ZP2: variants seen among roughly 807,000 people sequenced by gnomAD.
The protein encoded by ZP2 is zona pellucida glycoprotein 2.
ZP2 carries 51 observed loss-of-function variants against 84.0 expected under a neutral mutation model. The ratio of observed to expected loss-of-function variants is 0.61; its 90% CI spans 0.49 to 0.77. The LOEUF (loss-of-function observed/expected upper bound fraction) is 0.77, where lower values mean the gene tolerates loss of function less well. ZP2 is among the 30% of genes least tolerant of loss of function. ZP2 has a pLI of 0.00. For missense variants in ZP2, 909 were observed against 911.9 expected (o/e 1.00, Z 0.04); for synonymous variants, 375 against 330.9 (o/e 1.13, Z -1.45).
In ZP2 at chr16:21,198,866, G is replaced by C; in HGVS notation, c.1928-4C>G. The stretch of plus-strand genomic sequence containing the variant: ...TCTGCTTCAGTGGCCCCTGTGGCTG[G>C]AGACAGATGATCAAGTTTGTGTTTG... On this transcript the variant is annotated splice_polypyrimidine_tract_variant and splice_region_variant and intron_variant, in intron 16 of 18. Transcript: ENST00000574091. 6.2e-7 allele frequency: 1 copy of C among 1,613,454 alleles called. No individual in the cohort carries two copies. Among genetic ancestry groups the C allele is most frequent in the African/African-American group, 1.3e-5 (1 of 75,052 alleles).
chr16:21,201,826 T>C lies in ZP2; in HGVS notation c.1384A>G (p.Thr462Ala), dbSNP rs1409764298. The C allele has an allele frequency of 6.2e-6, 10 of 1,614,010 alleles. No individual in the cohort carries two copies. The highest frequency in any genetic ancestry group is 7.6e-6 in the Non-Finnish European group (9 of 1,180,002). The change falls in exon 13 of 19, where the codon ACA becomes GCA. Residue 462 changes from threonine (T) to alanine (A), a missense_variant. Thr to Ala is a moderately conservative substitution (Grantham distance 58). Transcript: ENST00000574091. ...KISRDSEFRMTVKCSYSRNDM... is the reference protein window; with the variant it reads ...KISRDSEFRMAVKCSYSRNDM... ...TTCCTGCTATAAGAACACTTCACTG[T>C]CATTCTGTAAGAGTTTGGAGGGAAG...
intron 17 of ZP2, among the ~76,000 whole-genome samples, 196 bp downstream of exon 17, chr16:21,198,583 C>T (rs897721810): frequency 8.5e-5 from 13 of 152,116 alleles, no homozygotes; most frequent in African/African-American, 3.1e-4. Context: ...AAGCTATGAT[C>T]CTACTTGTGT....
chr16:21,210,956 T>G (rs2152856823), intron 2 of ZP2, among the ~76,000 whole-genome samples: 1 of 152,050 alleles, frequency 6.6e-6, no homozygotes, highest in Admixed American at 6.6e-5. Context: ...GAACGTCAAG[T>G]GAGCAGCTCC....
intron 9 of ZP2, among the ~76,000 whole-genome samples, chr16:21,203,567 C>T (rs1288094467): frequency 1.3e-5 from 2 of 152,184 alleles, no homozygotes; most frequent in African/African-American, 2.4e-5. Flanking sequence ...GTCAAAAGGA[C>T]TCTACAGATG....
Position 21,202,028 on chromosome 16 carries a change from A to C in ZP2, c.1288-5T>G, listed in dbSNP as rs770805161. 6.2e-7 allele frequency: 1 copy of C among 1,613,914 alleles called. No homozygotes were observed. The highest frequency in any genetic ancestry group is 1.1e-5 in the South Asian group (1 of 91,054). ...GACGACTTTATCATCTTCGAACTTA[A>C]ATGTCAGAGAAAGTGGGTTAGCAGC... On this transcript the variant is annotated splice_region_variant and splice_polypyrimidine_tract_variant and intron_variant, in intron 11 of 18. Coordinates refer to ENST00000574091, the MANE Select transcript of ZP2 (RefSeq NM_001376232.1).
At chr16:21,199,485 A>T in intron 16 of ZP2, 85 bp downstream of exon 16, 2 of 1,218,872 alleles carry the variant, frequency 1.6e-6, no homozygotes, top group South Asian at 3.2e-5. Context: ...AGTATGAGTT[A>T]TACCAGTCCT....
At chr16:21,199,917 C>A in intron 14 of ZP2, 39 bp from the exon 15 acceptor site, 1 of 1,608,128 alleles carries the variant, frequency 6.2e-7, no homozygotes, top group Non-Finnish European at 8.5e-7. Flanking sequence ...CAGTCATATG[C>A]ATCTTGGAGT....
At chr16:21,207,595 G>C (rs2093255669) in intron 4 of ZP2, among the ~76,000 whole-genome samples, 1 of 151,746 alleles carries the variant, frequency 6.6e-6, no homozygotes, top group Non-Finnish European at 1.5e-5. Context: ...AGACCAGCCT[G>C]TGCAACATGG....
At chr16:21,206,111 C>A (rs1421987881) in intron 5 of ZP2, 2 of 329,610 alleles carry the variant, frequency 6.1e-6, no homozygotes, top group Non-Finnish European at 5.7e-6. Context: ...GATTCTCCTG[C>A]CCCAGCCTCC....
chr16:21,204,438 A>G (rs779683731), intron 7 of ZP2, 34 bp from the exon 8 acceptor site: 1 of 1,571,282 alleles, frequency 6.4e-7, no homozygotes, highest in African/African-American at 1.3e-5. Context: ...CTTCAAAAAC[A>G]TTGGTTACTT....
Position 21,211,325 on chromosome 16 carries a change from C to T in ZP2, c.133G>A (p.Val45Ile). 1.9e-6 allele frequency: 3 copies of T among 1,614,094 alleles called. No homozygotes were observed. The highest frequency in any genetic ancestry group is 2.5e-6 in the Non-Finnish European group (3 of 1,180,018). ...SGNSIDVSQL[V>I]NPAFPGTVTC... ...GACATACCTGGAAAGGCAGGATTTA[C>T]CAACTGAGAAACATCTATGGAGTTC... The change falls in exon 2 of 19, where the codon GTA becomes ATA. Residue 45 changes from valine (V) to isoleucine (I), a missense_variant. Val to Ile is a conservative substitution (Grantham distance 29). Transcript: ENST00000574091.
Position 21,202,031 on chromosome 16 carries a change from G to T in ZP2, c.1288-8C>A. The T allele has an allele frequency of 5.0e-6, 8 of 1,613,884 alleles. No individual in the cohort carries two copies. The highest frequency in any genetic ancestry group is 6.8e-6 in the Non-Finnish European group (8 of 1,179,854). ...GACTTTATCATCTTCGAACTTAAATGTCAGAGAAAGTGGGTTAGCAGCCAG... is the reference window on the plus strand; with the variant it reads ...GACTTTATCATCTTCGAACTTAAATTTCAGAGAAAGTGGGTTAGCAGCCAG... On this transcript the variant is annotated splice_region_variant and splice_polypyrimidine_tract_variant and intron_variant, in intron 11 of 18. Coordinates refer to ENST00000574091, the MANE Select transcript of ZP2 (RefSeq NM_001376232.1).
In ZP2 at chr16:21,206,976, C is replaced by T. The variant is rs1597588758; in HGVS notation, c.345G>A (p.Gln115=). 1.2e-6 allele frequency: 2 copies of T among 1,614,016 alleles called. No individual in the cohort carries two copies. The highest frequency in any genetic ancestry group is 1.7e-5 in the Admixed American group (1 of 59,994). Residue 115 remains glutamine (Q), a synonymous_variant, in exon 5 of 19, where the codon CAG becomes CAA. Coordinates refer to ENST00000574091, the MANE Select transcript of ZP2 (RefSeq NM_001376232.1). ...TGTTGTTCATGACTCTGATGGTCATCTGGTGTCCACCATGCTGTGTACAGA... is the reference window on the plus strand; with the variant it reads ...TGTTGTTCATGACTCTGATGGTCATTTGGTGTCCACCATGCTGTGTACAGA... ...NCTRRVHGGH[Q]MTIRVMNNSA...
chr16:21,198,641 T>C (rs2093210534), intron 17 of ZP2, 138 bp downstream of exon 17: 2 of 677,292 alleles, frequency 3.0e-6, no homozygotes, highest in Non-Finnish European at 5.0e-6. Flanking sequence ...AGAAGCCTAC[T>C]TCTGGGAAGA....
chr16:21,211,832 T>C (rs769189335), upstream of ZP2: 1 of 1,353,134 alleles, frequency 7.4e-7, no homozygotes, highest in Non-Finnish European at 9.6e-7. Context: ...TGGGGGAAAT[T>C]AGGATCTTTT....
chr16:21,204,663 T>C (rs1419289771), intron 7 of ZP2, among the ~76,000 whole-genome samples: 1 of 152,200 alleles, frequency 6.6e-6, no homozygotes. Context: ...TTACCCCATA[T>C]GACTATTTTA....
chr16:21,210,126 C>T lies in ZP2; in HGVS notation c.218G>A (p.Trp73Ter). The stretch of plus-strand genomic sequence containing the variant: ...TTACCTACCCACCACAGATGCATGC[C>T]ATTTCTTGGTGCCAGGACTGCTTGG... ...EFPSSPGTKK[W>*]HASVVDPLGL... The change falls in exon 3 of 19, where the codon TGG (tryptophan) becomes TAG (stop). Residue 73 changes from tryptophan (W) to a stop codon, truncating the protein, a stop_gained. Coordinates refer to ENST00000574091, the MANE Select transcript of ZP2 (RefSeq NM_001376232.1). LOFTEE classifies it high-confidence loss of function. 1 of 1,613,998 alleles carries T rather than the reference C, an allele frequency of 6.2e-7. No homozygotes were observed. The highest frequency in any genetic ancestry group is 8.5e-7 in the Non-Finnish European group (1 of 1,179,980).
intron 17 of ZP2, among the ~76,000 whole-genome samples, chr16:21,198,454 T>C (rs921465515): frequency 6.6e-6 from 1 of 152,096 alleles, no homozygotes; most frequent in Non-Finnish European, 1.5e-5. Context: ...AATAAACCTA[T>C]AGATATCCAT....
At position 21,199,772 on chromosome 16, in the gene ZP2, C is replaced by A. The variant is rs2093216850; in HGVS notation, c.1801G>T (p.Val601Leu). The A allele has an allele frequency of 6.2e-7, 1 of 1,613,966 alleles. No homozygotes were observed. The highest frequency in any genetic ancestry group is 1.3e-5 in the African/African-American group (1 of 74,908). Residue 601 changes from valine (V) to leucine (L), a missense_variant, in exon 15 of 19, where the codon GTA (valine) becomes TTA (leucine). Transcript: ENST00000574091. ...CTAGAGAGCACGTGGGCTTCTGATACAAAGGCAAAAGCCTTCATGTCAAAC... is the reference window on the plus strand; with the variant it reads ...CTAGAGAGCACGTGGGCTTCTGATAAAAAGGCAAAAGCCTTCATGTCAAAC... ...QRFDMKAFAFVSEAHVLSSLV... is the reference protein window; with the variant it reads ...QRFDMKAFAFLSEAHVLSSLV...
Sources: gnomAD v4.1 joint callset for allele counts (sites outside exome capture counted in the v4.1 genomes callset) on GRCh38, gnomAD v4.1.1 for gene constraint, MANE v1.5 for transcripts, NCBI Gene and HGNC (gene_info 2026-07-23, HGNC 2026-07-21) for gene names.